The following ADGRV1 variants were observed in gnomAD, a reference collection of about 807,000 sequenced individuals.
The protein encoded by ADGRV1 is adhesion G protein-coupled receptor V1.
In ADGRV1, 359 loss-of-function variants were observed where a neutral mutation model predicts 596.2. That is an observed-to-expected ratio of 0.60 (90% CI 0.55 to 0.66). The LOEUF (loss-of-function observed/expected upper bound fraction) is 0.66, where lower values mean the gene tolerates loss of function less well. Among genes scored for constraint, ADGRV1 ranks in the 30% least tolerant of loss-of-function variants. The pLI is 0.00. For missense variants in ADGRV1, 7,274 were observed against 7,575.6 expected (o/e 0.96, Z 1.48); for synonymous variants, 2,681 against 2,679.2 (o/e 1.00, Z -0.02).
rs200443258 is a variant in ADGRV1 at position 91,038,307 on chromosome 5, G to T, written c.18153-34140G>T. Among the ~76,000 whole-genome samples the T allele has an allele frequency of 3.9e-5, 6 of 152,294 alleles. No individual in the cohort carries two copies. The East Asian group carries it at 1.2e-3, about 29-fold the overall frequency. ...GACTTGATTCTGATGGCAATGCAAA[G>T]GCAGTGAAGGGTTAAGAAAGAGAAT... On this transcript the variant is annotated intron_variant, in intron 85 of 89. Coordinates refer to ENST00000405460, the MANE Select transcript of ADGRV1 (RefSeq NM_032119.4).
intron 81 of ADGRV1, among the ~76,000 whole-genome samples, chr5:90,854,570 C>G (rs867362928): frequency 2.6e-5 from 4 of 152,240 alleles, no homozygotes; most frequent in African/African-American, 7.2e-5. Flanking sequence ...AAACTGATGC[C>G]TTGTGTTTAA....
At chr5:90,975,361 A>C (rs1779464544) in intron 84 of ADGRV1, among the ~76,000 whole-genome samples, 1 of 152,196 alleles carries the variant, frequency 6.6e-6, no homozygotes, top group African/African-American at 2.4e-5. Context: ...GTATATACCC[A>C]AAGGATTATA....
intron 84 of ADGRV1, among the ~76,000 whole-genome samples, chr5:90,975,145 A>C (rs1779442884): frequency 6.6e-6 from 1 of 151,796 alleles, no homozygotes; most frequent in South Asian, 2.1e-4. Context: ...TCAAAACCAC[A>C]ATGAGATACC....
At chr5:90,836,382 C>T (rs1764970040) in intron 77 of ADGRV1, among the ~76,000 whole-genome samples, 1 of 152,032 alleles carries the variant, frequency 6.6e-6, no homozygotes, top group African/African-American at 2.4e-5. Context: ...ATGTATGGAA[C>T]ACTCCTCACT....
chr5:91,092,118 TG>T (rs1461524224), intron 86 of ADGRV1, among the ~76,000 whole-genome samples: 1 of 152,118 alleles, frequency 6.6e-6, no homozygotes, highest in Non-Finnish European at 1.5e-5. Flanking sequence ...TCCTTTTTTT[TG>T]AGATAAAGTC....
intron 83 of ADGRV1, among the ~76,000 whole-genome samples, chr5:90,929,941 TTTTAG>T (rs1241934833): frequency 6.6e-6 from 1 of 152,148 alleles, no homozygotes; most frequent in Admixed American, 6.6e-5. Flanking sequence ...TCTGCTTGTA[TTTTAG>T]TTTAGTTTTT....
intron 83 of ADGRV1, among the ~76,000 whole-genome samples, chr5:90,933,478 C>T (rs1366797150): frequency 1.3e-5 from 2 of 151,876 alleles, no homozygotes; most frequent in Non-Finnish European, 2.9e-5. Flanking sequence ...ATTTTAAGGG[C>T]AGTAAGTGAG....
At chr5:90,628,985 C>T in intron 8 of ADGRV1, 153 bp downstream of exon 8, 4 of 746,870 alleles carry the variant, frequency 5.4e-6, no homozygotes, top group South Asian at 5.4e-5. Flanking sequence ...AGTATTCCTT[C>T]TGAAAATAAA....
At chr5:90,617,675 G>T in intron 2 of ADGRV1, 129 bp from the exon 3 acceptor site, 1 of 701,386 alleles carries the variant, frequency 1.4e-6, no homozygotes, top group Non-Finnish European at 2.2e-6. Flanking sequence ...TTTTGTTTTT[G>T]TACACCCTAT....
chr5:90,728,596 T>C (rs1752108378), intron 48 of ADGRV1, 73 bp from the exon 49 acceptor site: 2 of 1,178,610 alleles, frequency 1.7e-6, no homozygotes, highest in South Asian at 1.5e-5. Flanking sequence ...AGTAAACATA[T>C]GGTATTGATT....
intron 78 of ADGRV1, among the ~76,000 whole-genome samples, chr5:90,847,391 A>G (rs1300826941): frequency 6.6e-6 from 1 of 152,216 alleles, no homozygotes. Context: ...TGGTGTATTT[A>G]CAATCCCTTA....
At chr5:91,162,377 G>A (rs1360128537) in intron 89 of ADGRV1, among the ~76,000 whole-genome samples, 1 of 152,040 alleles carries the variant, frequency 6.6e-6, no homozygotes, top group Non-Finnish European at 1.5e-5. Context: ...TGAAGGAGGT[G>A]GGAAGTGAGA....
At chr5:91,011,762 A>G (rs998022708) in intron 85 of ADGRV1, among the ~76,000 whole-genome samples, 6 of 151,974 alleles carry the variant, frequency 3.9e-5, no homozygotes, top group Non-Finnish European at 8.8e-5. Flanking sequence ...GGGGGGAAAA[A>G]AAAAAGCAAT....
intron 86 of ADGRV1, among the ~76,000 whole-genome samples, chr5:91,087,119 CT>C (rs945536223): frequency 6.6e-5 from 10 of 152,290 alleles, no homozygotes; most frequent in Admixed American, 3.9e-4. Context: ...AGCCAAAATT[CT>C]TTCTTCTTTC....
At chr5:90,568,903 C>T (rs1199338692) in intron 1 of ADGRV1, among the ~76,000 whole-genome samples, 1 of 152,120 alleles carries the variant, frequency 6.6e-6, no homozygotes, top group Admixed American at 6.6e-5. Context: ...GTCCTAATGT[C>T]TATTTTGTCC....
intron 31 of ADGRV1, among the ~76,000 whole-genome samples, chr5:90,691,747 A>G (rs1746510158): frequency 5.3e-5 from 8 of 152,116 alleles, no homozygotes; most frequent in Admixed American, 5.2e-4. Context: ...GAGCCAGTCA[A>G]TCTTAAGTAT....
chr5:91,044,928 A>T (rs1307939451), intron 85 of ADGRV1, among the ~76,000 whole-genome samples: 1 of 152,158 alleles, frequency 6.6e-6, no homozygotes, highest in East Asian at 1.9e-4. Flanking sequence ...TAGTTTCTAA[A>T]GAAATTCAGA....
intron 84 of ADGRV1, among the ~76,000 whole-genome samples, chr5:90,974,015 A>G (rs1370649168): frequency 6.6e-6 from 1 of 152,222 alleles, no homozygotes; most frequent in African/African-American, 2.4e-5. Flanking sequence ...AGGATAGAAA[A>G]TCAGTGTGCA....
Position 90,967,687 on chromosome 5 carries a change from A to C in ADGRV1, c.17973+2156A>C, listed in dbSNP as rs200869658. The stretch of plus-strand genomic sequence containing the variant: ...GTACAGAACTGAAAGGACAGCTGCA[A>C]CAGAGAGCTGCCTGCATTAAGATTA... On this transcript the variant is annotated intron_variant, in intron 84 of 89. Transcript: ENST00000405460. 1.3e-4 allele frequency among the ~76,000 whole-genome samples: 19 copies of C among 151,686 alleles called. No homozygotes were observed. In the East Asian group the frequency reaches 3.5e-3, roughly 28 times the overall value.
Sources: allele counts gnomAD v4.1 joint callset (sites outside exome capture counted in the v4.1 genomes callset), GRCh38; gene constraint gnomAD v4.1.1; transcripts MANE v1.5; gene names NCBI Gene and HGNC (gene_info 2026-07-23, HGNC 2026-07-21).